The following RABGAP1L variants were observed in gnomAD, a reference collection of about 807,000 sequenced individuals.
RABGAP1L encodes RAB GTPase activating protein 1 like, also known as rab GTPase-activating protein 1-like.
A neutral mutation model predicts 137.7 loss-of-function variants in RABGAP1L; 63 were observed. That is an observed-to-expected ratio of 0.46 (90% CI 0.37 to 0.56). The LOEUF is 0.56. RABGAP1L is among the 20% of genes least tolerant of loss of function. The pLI, the probability that RABGAP1L is intolerant of heterozygous loss-of-function variation, is 0.00. For synonymous variants in RABGAP1L, 431 were observed against 433.7 expected, an observed-to-expected ratio of 0.99 and a Z score of 0.08; for missense variants, 1,095 against 1,244.0, an observed-to-expected ratio of 0.88 and a Z score of 1.80.
At chr1:174,948,496 C>T (rs950916542) in intron 19 of RABGAP1L, among the ~76,000 whole-genome samples, 5 of 117,594 alleles carry the variant, frequency 4.3e-5, no homozygotes, top group South Asian at 2.6e-4. Flanking sequence ...AGCCACAGAG[C>T]GAGACCCTGC....
chr1:174,598,250 C>CT (rs1670123264), intron 13 of RABGAP1L, among the ~76,000 whole-genome samples: 1 of 149,920 alleles, frequency 6.7e-6, no homozygotes, highest in African/African-American at 2.5e-5. Flanking sequence ...ATCCCTTGAA[C>CT]CCGGGAGGCG....
chr1:174,444,658 G>T (rs1654533445), intron 13 of RABGAP1L, among the ~76,000 whole-genome samples: 1 of 151,778 alleles, frequency 6.6e-6, no homozygotes, highest in Admixed American at 6.6e-5. Context: ...TTTCTTCATG[G>T]TTCAATCTTG....
Position 174,732,697 on chromosome 1 carries a change from G to A in RABGAP1L, c.2170-19616G>A, listed in dbSNP as rs189041610. Among the ~76,000 whole-genome samples the A allele has an allele frequency of 9.2e-5, 14 of 152,312 alleles. No homozygotes were observed. The East Asian group carries it at 2.3e-3, about 25-fold the overall frequency. ...GTAAAAAGAACAGCAGCAGTTAGGT[G>A]TGAGGCAAATCCACACAATGAAGCT... On this transcript the variant is annotated intron_variant, in intron 17 of 25. Coordinates refer to ENST00000681986, the MANE Select transcript of RABGAP1L (RefSeq NM_001366446.1).
At chr1:174,304,039 T>G (rs868104191) in intron 10 of RABGAP1L, among the ~76,000 whole-genome samples, 5 of 152,266 alleles carry the variant, frequency 3.3e-5, no homozygotes, top group Middle Eastern at 3.4e-3. Flanking sequence ...AACATAGTGT[T>G]ACTTGTAGAT....
intron 14 of RABGAP1L, among the ~76,000 whole-genome samples, chr1:174,657,259 T>A (rs1213982716): frequency 1.3e-5 from 2 of 152,224 alleles, no homozygotes; most frequent in Non-Finnish European, 2.9e-5. Flanking sequence ...GTGTTGAGAA[T>A]ATTCAATATC....
chr1:174,456,576 C>T (rs984816992), intron 13 of RABGAP1L, among the ~76,000 whole-genome samples: 2 of 151,914 alleles, frequency 1.3e-5, no homozygotes, highest in African/African-American at 4.8e-5. Context: ...AATTATCAGT[C>T]AGGGAATCAG....
chr1:174,454,047 G>T (rs977646289), intron 13 of RABGAP1L, among the ~76,000 whole-genome samples: 2 of 152,084 alleles, frequency 1.3e-5, no homozygotes, highest in African/African-American at 4.8e-5. Flanking sequence ...GGCAGATCAC[G>T]AAGTCAGGAG....
chr1:174,487,557 G>C (rs1412513688), intron 13 of RABGAP1L, among the ~76,000 whole-genome samples: 2 of 152,012 alleles, frequency 1.3e-5, no homozygotes, highest in Non-Finnish European at 2.9e-5. Flanking sequence ...AGATCATTGA[G>C]TCTTGTTTCT....
intron 13 of RABGAP1L, among the ~76,000 whole-genome samples, chr1:174,444,876 A>G (rs1489983072): frequency 2.6e-5 from 4 of 152,004 alleles, no homozygotes; most frequent in Non-Finnish European, 5.9e-5. Flanking sequence ...ATCTTTTCAA[A>G]AAATCAAGTT....
At chr1:174,963,693 T>A (rs1015460437) in intron 20 of RABGAP1L, among the ~76,000 whole-genome samples, 10 of 151,962 alleles carry the variant, frequency 6.6e-5, no homozygotes, top group Non-Finnish European at 1.3e-4. Flanking sequence ...CAAATCTGGC[T>A]CACTGCCAGT....
At chr1:174,815,203 T>G (rs1430369386) in intron 19 of RABGAP1L, among the ~76,000 whole-genome samples, 2 of 152,174 alleles carry the variant, frequency 1.3e-5, no homozygotes, top group African/African-American at 4.8e-5. Context: ...GGTGTTACAA[T>G]GAATAATGGA....
At chr1:174,536,990 T>C (rs150266749) in intron 13 of RABGAP1L, among the ~76,000 whole-genome samples, 1,538 of 152,300 alleles carry the variant, frequency 0.01, 9 homozygotes, top group Non-Finnish European at 0.013. Flanking sequence ...CATAAGTAGA[T>C]ACTGACAATT....
intron 19 of RABGAP1L, among the ~76,000 whole-genome samples, chr1:174,888,655 C>G (rs1475778995): frequency 6.6e-6 from 1 of 152,060 alleles, no homozygotes; most frequent in African/African-American, 2.4e-5. Context: ...ACCACCACGC[C>G]CAGCTAATTT....
chr1:174,540,336 G>A (rs1229906816), intron 13 of RABGAP1L, among the ~76,000 whole-genome samples: 1 of 152,122 alleles, frequency 6.6e-6, no homozygotes, highest in Non-Finnish European at 1.5e-5. Context: ...TGTTGCCATT[G>A]TTTTTGGTGT....
chr1:174,481,311 CT>C (rs1659067066), intron 13 of RABGAP1L, among the ~76,000 whole-genome samples: 2 of 152,296 alleles, frequency 1.3e-5, no homozygotes, highest in East Asian at 3.9e-4. Flanking sequence ...TCATTGACCA[CT>C]TTTTGCTTGA....
At position 174,637,443 on chromosome 1, in the gene RABGAP1L, A is replaced by C. The variant is rs1297116082; in HGVS notation, c.1779A>C (p.Lys593Asn). 6 of 1,612,778 alleles carry C rather than the reference A, an allele frequency of 3.7e-6. No homozygotes were observed. The highest frequency in any genetic ancestry group is 5.1e-6 in the Non-Finnish European group (6 of 1,178,778). The change falls in exon 14 of 26, where the codon AAA becomes AAC. Residue 593 changes from lysine (K) to asparagine (N), a missense_variant. Around this residue, in one of 4 missense-constraint regions of RABGAP1L, gnomAD observed 315 missense variants for 324.8 expected, o/e 0.97. Coordinates refer to ENST00000681986, the MANE Select transcript of RABGAP1L (RefSeq NM_001366446.1). The stretch of plus-strand genomic sequence containing the variant: ...CATTTCCCGCACATGATTACTTTAA[A>C]GATACTGGAGGAGATGGTCAAGAAT... ...HRTFPAHDYFKDTGGDGQESL... is the reference protein window; with the variant it reads ...HRTFPAHDYFNDTGGDGQESL...
chr1:174,447,902 C>G (rs1214530047), intron 13 of RABGAP1L, among the ~76,000 whole-genome samples: 2 of 120,238 alleles, frequency 1.7e-5, no homozygotes, highest in Non-Finnish European at 3.5e-5. Context: ...CCCCCCCCCA[C>G]CCCCCCGCCC....
rs575898304 is a variant in RABGAP1L at position 174,582,579 on chromosome 1, A to G, written c.1711-54796A>G. Among the ~76,000 whole-genome samples the G allele has an allele frequency of 3.9e-5, 6 of 152,256 alleles. No homozygotes were observed. In the South Asian group the frequency reaches 1.2e-3, roughly 32 times the overall value. On this transcript the variant is annotated intron_variant, in intron 13 of 25. Transcript: ENST00000681986. ...AACACAGCAAGACCCCATCTCTTTA[A>G]AAAGAGAGAGAGATGGAGGGAATGT...
chr1:174,701,529 G>A (rs1485374640), intron 16 of RABGAP1L, among the ~76,000 whole-genome samples: 1 of 152,072 alleles, frequency 6.6e-6, no homozygotes, highest in Non-Finnish European at 1.5e-5. Context: ...ATCACTTGAG[G>A]TCAGGAGTTC....
Sources: allele counts gnomAD v4.1 joint callset (sites outside exome capture counted in the v4.1 genomes callset), GRCh38; gene constraint gnomAD v4.1.1; regional missense constraint gnomAD v4.1.1; transcripts MANE v1.5; gene names NCBI Gene and HGNC (gene_info 2026-07-23, HGNC 2026-07-21).